The following C1orf21 variants were observed in gnomAD, a reference collection of about 807,000 sequenced individuals.
C1orf21 encodes the protein chromosome 1 open reading frame 21.
Under a neutral mutation model 18.7 loss-of-function variants are expected in C1orf21, and 3 were observed. That is an observed-to-expected ratio of 0.16 (90% confidence interval 0.07 to 0.42). The LOEUF (loss-of-function observed/expected upper bound fraction) is 0.42, where lower values mean the gene tolerates loss of function less well. C1orf21 is among the 10% of genes least tolerant of loss of function. The pLI is 0.99. For missense variants in C1orf21, 104 were observed against 143.6 expected (o/e 0.72, Z 1.41); for synonymous variants, 41 against 46.4 (o/e 0.88, Z 0.47).
chr1:184,397,726 C>T (rs1011089546), intron 1 of C1orf21, among the ~76,000 whole-genome samples: 1 of 152,076 alleles, frequency 6.6e-6, no homozygotes, highest in African/African-American at 2.4e-5. Context: ...ATAACTTATG[C>T]GAGCACCCAA....
intron 3 of C1orf21, among the ~76,000 whole-genome samples, chr1:184,555,875 C>T (rs1558001744): frequency 2.0e-5 from 3 of 152,204 alleles, no homozygotes; most frequent in Non-Finnish European, 2.9e-5. Flanking sequence ...TGCGAGGATC[C>T]GCCCACTGGC....
At chr1:184,468,630 G>A (rs973055328) in intron 1 of C1orf21, among the ~76,000 whole-genome samples, 3 of 152,054 alleles carry the variant, frequency 2.0e-5, no homozygotes, top group Non-Finnish European at 2.9e-5. Flanking sequence ...TTAAAAAAAC[G>A]ATTCTTGGCT....
At chr1:184,388,455 G>C (rs747726084) in intron 1 of C1orf21, among the ~76,000 whole-genome samples, 2 of 152,122 alleles carry the variant, frequency 1.3e-5, no homozygotes, top group Non-Finnish European at 2.9e-5. Context: ...AAAATAGATA[G>C]TGCTTGTGTT....
chr1:184,552,062 T>G (rs1300184744), intron 3 of C1orf21, among the ~76,000 whole-genome samples: 2 of 152,106 alleles, frequency 1.3e-5, no homozygotes, highest in African/African-American at 4.8e-5. Context: ...AATTTGAAAC[T>G]TTTTACATGA....
chr1:184,537,900 C>T (rs537659621), intron 3 of C1orf21, among the ~76,000 whole-genome samples: 7 of 152,272 alleles, frequency 4.6e-5, no homozygotes, highest in East Asian at 1.9e-4. Flanking sequence ...CCGCCCACCT[C>T]GGCCTCCCAA....
intron 3 of C1orf21, among the ~76,000 whole-genome samples, chr1:184,589,294 A>G (rs924563241): frequency 2.0e-5 from 3 of 152,240 alleles, no homozygotes; most frequent in African/African-American, 7.2e-5. Context: ...CAGTCCTACA[A>G]AGAGACTACA....
intron 3 of C1orf21, among the ~76,000 whole-genome samples, chr1:184,519,547 G>A (rs1017787623): frequency 6.6e-6 from 1 of 152,172 alleles, no homozygotes; most frequent in African/African-American, 2.4e-5. Context: ...CGGGGGAAAT[G>A]AGTGACAATT....
intron 1 of C1orf21, among the ~76,000 whole-genome samples, chr1:184,434,481 G>T (rs1266261442): frequency 6.6e-6 from 1 of 152,196 alleles, no homozygotes; most frequent in Non-Finnish European, 1.5e-5. Context: ...AAGAGGCAGA[G>T]ACTCTATCCT....
intron 2 of C1orf21, among the ~76,000 whole-genome samples, chr1:184,502,914 C>CA (rs1033567321): frequency 2.4e-4 from 37 of 151,292 alleles, no homozygotes; most frequent in African/African-American, 8.3e-4. Context: ...CCTGCCTCTA[C>CA]AAAAAATACA....
At chr1:184,476,088 T>A (rs112628006) in intron 1 of C1orf21, among the ~76,000 whole-genome samples, 1 of 152,346 alleles carries the variant, frequency 6.6e-6, no homozygotes, top group African/African-American at 2.4e-5. Flanking sequence ...TTAGATCGAT[T>A]ATGTTAATTT....
chr1:184,550,694 C>G (rs1356851153), intron 3 of C1orf21, among the ~76,000 whole-genome samples: 8 of 152,172 alleles, frequency 5.3e-5, no homozygotes, highest in Non-Finnish European at 2.9e-5. Context: ...GCCACCTAGC[C>G]TGGCTAATTT....
chr1:184,478,361 A>G (rs1657602898), intron 2 of C1orf21, among the ~76,000 whole-genome samples: 1 of 152,340 alleles, frequency 6.6e-6, no homozygotes, highest in South Asian at 2.1e-4. Context: ...TGCAAAGGCC[A>G]CAGATTGGCA....
intron 3 of C1orf21, among the ~76,000 whole-genome samples, chr1:184,558,493 T>G (rs1044268510): frequency 1.3e-5 from 2 of 152,192 alleles, no homozygotes; most frequent in African/African-American, 4.8e-5. Context: ...AACCATTAGA[T>G]TGTAAGCATC....
chr1:184,577,898 A>G (rs1054800759), intron 3 of C1orf21, among the ~76,000 whole-genome samples: 1 of 146,774 alleles, frequency 6.8e-6, no homozygotes, highest in Non-Finnish European at 1.5e-5. Context: ...GTTTTAAAGC[A>G]TGTTTATTCT....
At position 184,400,177 on chromosome 1, in the gene C1orf21, G is replaced by C. The variant is rs142635547; in HGVS notation, c.-125+12809G>C. On this transcript the variant is annotated intron_variant, in intron 1 of 5. Coordinates refer to ENST00000235307, the MANE Select transcript of C1orf21 (RefSeq NM_030806.4). ...TTTTGATGAGACGACAGTAGTTTTTGATAACATTTTTACTTTCTTGTTTAA... is the reference window on the plus strand; with the variant it reads ...TTTTGATGAGACGACAGTAGTTTTTCATAACATTTTTACTTTCTTGTTTAA... Among the ~76,000 whole-genome samples the C allele has an allele frequency of 2.5e-3, 378 of 152,200 alleles. 3 individuals carry two copies. Among genetic ancestry groups the C allele is most frequent in the African/African-American group, 8.7e-3 (361 of 41,524 alleles).
chr1:184,426,592 C>T (rs1261071774), intron 1 of C1orf21, among the ~76,000 whole-genome samples: 2 of 152,164 alleles, frequency 1.3e-5, no homozygotes, highest in Non-Finnish European at 2.9e-5. Flanking sequence ...CGGTCTTCCT[C>T]CTATCTTTTA....
chr1:184,586,150 T>C (rs6674115), intron 3 of C1orf21, among the ~76,000 whole-genome samples: 88,430 of 152,136 alleles, frequency 0.58, 27,922 homozygotes, highest in African/African-American at 0.85. Flanking sequence ...GCCATTCTGA[T>C]TGATATGAGA....
chr1:184,468,782 G>A (rs997632718), intron 1 of C1orf21, among the ~76,000 whole-genome samples: 34 of 151,998 alleles, frequency 2.2e-4, no homozygotes, highest in African/African-American at 7.7e-4. Flanking sequence ...AGCTGGGTGT[G>A]GTGGCACACA....
At chr1:184,410,650 TATATATATATA>T (rs1480392086) in intron 1 of C1orf21, among the ~76,000 whole-genome samples, 120 of 6,660 alleles carry the variant, frequency 0.018, 23 homozygotes, top group South Asian at 0.061. Context: ...TATATATATA[TATATATATATA>T]TATTTTTTTT....
Sources: allele counts gnomAD v4.1 joint callset (sites outside exome capture counted in the v4.1 genomes callset), GRCh38; gene constraint gnomAD v4.1.1; transcripts MANE v1.5; gene names NCBI Gene and HGNC (gene_info 2026-07-23, HGNC 2026-07-21).